Variants in OSBPL10 observed in about 807,000 individuals in gnomAD.
OSBPL10 encodes oxysterol-binding protein-related protein 10.
OSBPL10 carries 49 observed loss-of-function variants against 81.7 expected under a neutral mutation model. That is an observed-to-expected ratio of 0.60 (90% CI 0.48 to 0.76). The LOEUF is 0.76. OSBPL10 is among the 30% of genes least tolerant of loss of function. OSBPL10 has a pLI of 0.00. For missense variants in OSBPL10, 923 were observed against 987.8 expected (o/e 0.93, Z 0.88); for synonymous variants, 419 against 383.6 (o/e 1.09, Z -1.08).
At chr3:31,785,343 T>C (rs1354205484) in intron 4 of OSBPL10, among the ~76,000 whole-genome samples, 2 of 152,156 alleles carry the variant, frequency 1.3e-5, no homozygotes, top group Non-Finnish European at 2.9e-5. Context: ...ACACGCTAAC[T>C]TGAAAGAAAA....
intron 1 of OSBPL10, among the ~76,000 whole-genome samples, chr3:31,901,064 T>G (rs906580292): frequency 6.6e-6 from 1 of 152,238 alleles, no homozygotes; most frequent in African/African-American, 2.4e-5. Context: ...AAAATAGATG[T>G]TGACTTTTAT....
chr3:31,865,733 T>C (rs1701163910), intron 3 of OSBPL10, among the ~76,000 whole-genome samples: 1 of 152,204 alleles, frequency 6.6e-6, no homozygotes. Flanking sequence ...GACCCTAAAA[T>C]TGCTTAATCA....
chr3:31,864,294 A>G (rs77558416), intron 3 of OSBPL10, among the ~76,000 whole-genome samples: 1,751 of 152,038 alleles, frequency 0.012, 12 homozygotes, highest in Non-Finnish European at 0.017. Context: ...TGGAGTTGGA[A>G]TGCAGTGGTG....
intron 4 of OSBPL10, among the ~76,000 whole-genome samples, chr3:31,813,907 G>A (rs903767406): frequency 6.6e-6 from 1 of 152,234 alleles, no homozygotes; most frequent in Non-Finnish European, 1.5e-5. Flanking sequence ...TACATGCTGA[G>A]CTCTGCTGTC....
chr3:31,903,173 G>C (rs571087252), intron 1 of OSBPL10, among the ~76,000 whole-genome samples: 1 of 152,062 alleles, frequency 6.6e-6, no homozygotes. Flanking sequence ...TAGGTGCCAG[G>C]AATACAACAG....
At chr3:31,892,844 C>T (rs1295149995) in intron 1 of OSBPL10, among the ~76,000 whole-genome samples, 1 of 152,112 alleles carries the variant, frequency 6.6e-6, no homozygotes, top group Non-Finnish European at 1.5e-5. Context: ...CAGTTTGGAG[C>T]AAGCCACGGA....
At chr3:31,823,834 G>T (rs1215784642) in intron 4 of OSBPL10, among the ~76,000 whole-genome samples, 1 of 90,198 alleles carries the variant, frequency 1.1e-5, no homozygotes, top group Non-Finnish European at 2.3e-5. Flanking sequence ...AATTTAATTT[G>T]TATGTGTGTA....
intron 1 of OSBPL10, among the ~76,000 whole-genome samples, chr3:31,899,686 G>A (rs1365527728): frequency 1.3e-5 from 2 of 152,036 alleles, no homozygotes; most frequent in African/African-American, 4.8e-5. Flanking sequence ...AGAAAAGAAA[G>A]AAAGAAAAAT....
intron 4 of OSBPL10, chr3:31,795,134 CTTTTTTTTTTTTTTTTTTT>C (rs537149885): frequency 1.4e-5 from 1 of 71,438 alleles, no homozygotes; most frequent in South Asian, 8.3e-4. Flanking sequence ...TTCATAAAAC[CTTTTTTTTTTTTTTTTTTT>C]TTTTTTTTGG....
intron 4 of OSBPL10, among the ~76,000 whole-genome samples, chr3:31,812,760 AAG>A (rs1699726353): frequency 1.8e-5 from 1 of 54,686 alleles, no homozygotes; most frequent in East Asian, 7.9e-4. Flanking sequence ...GAAAGAAAGA[AAG>A]AAAGAAAGAA....
At chr3:31,877,013 T>C (rs1402475269) in intron 2 of OSBPL10, among the ~76,000 whole-genome samples, 5 of 151,870 alleles carry the variant, frequency 3.3e-5, no homozygotes, top group African/African-American at 1.2e-4. Context: ...ATACCATTCT[T>C]CTGCCTCAGC....
At chr3:31,761,745 G>T (rs547466456) in intron 4 of OSBPL10, among the ~76,000 whole-genome samples, 2 of 149,340 alleles carry the variant, frequency 1.3e-5, no homozygotes, top group South Asian at 2.1e-4. Context: ...AACCCAGGAG[G>T]TGGAGGTTGC....
intron 4 of OSBPL10, among the ~76,000 whole-genome samples, chr3:31,767,784 G>C (rs1698246377): frequency 6.6e-6 from 1 of 152,168 alleles, no homozygotes; most frequent in Non-Finnish European, 1.5e-5. Flanking sequence ...TTTCTTCCAG[G>C]TGAAAATGCT....
At chr3:31,800,186 T>G (rs931195505) in intron 4 of OSBPL10, among the ~76,000 whole-genome samples, 1 of 152,228 alleles carries the variant, frequency 6.6e-6, no homozygotes, top group Non-Finnish European at 1.5e-5. Context: ...TTCTCTTGTA[T>G]AAGCCACAGA....
In OSBPL10 at chr3:31,974,614, G is replaced by C. The variant is rs374296402; in HGVS notation, c.281+6285C>G. On this transcript the variant is annotated intron_variant, in intron 1 of 11. Coordinates refer to ENST00000396556, the MANE Select transcript of OSBPL10 (RefSeq NM_017784.5). ...CATGCGTAAGCCTCCCAAACATAAC[G>C]TTAAGAGAAAGAAGCCAGACACACA... Among the ~76,000 whole-genome samples the C allele has an allele frequency of 8.1e-4, 124 of 152,184 alleles. 1 individual carries two copies. In the South Asian group the frequency reaches 0.024, roughly 30 times the overall value.
At position 31,812,808 on chromosome 3, in the gene OSBPL10, A is replaced by G. The variant is rs1340879956; in HGVS notation, c.729+17232T>C. On this transcript the variant is annotated intron_variant, in intron 4 of 11. Transcript: ENST00000396556. Reference sequence around the variant, plus strand: ...AAAGAAAGAAAGAAAGAAAGAAAGAAAGAAAGAAAGAGAAAGAAAGAAAGA... The same window carrying G: ...AAAGAAAGAAAGAAAGAAAGAAAGAGAGAAAGAAAGAGAAAGAAAGAAAGA... Among the ~76,000 whole-genome samples the G allele has an allele frequency of 1.4e-4, 8 of 56,536 alleles. 1 individual carries two copies. The highest frequency in any genetic ancestry group is 6.1e-4 in the African/African-American group (8 of 13,186). 37.1% of individuals were successfully genotyped at this position (56,536 alleles called of 152,430 possible). A position where few individuals can be genotyped will look rare whatever the true frequency, so the allele number is the denominator to read the frequency against.
intron 1 of OSBPL10, among the ~76,000 whole-genome samples, chr3:31,914,370 G>C (rs1035078187): frequency 5.9e-5 from 9 of 152,210 alleles, no homozygotes; most frequent in African/African-American, 2.2e-4. Context: ...TCTCTACCAA[G>C]TATCAATTTC....
intron 4 of OSBPL10, among the ~76,000 whole-genome samples, chr3:31,775,149 G>A (rs776501320): frequency 6.6e-6 from 1 of 152,066 alleles, no homozygotes; most frequent in Non-Finnish European, 1.5e-5. Context: ...TCCAGCCTGG[G>A]TGACAGAGTG....
intron 1 of OSBPL10, among the ~76,000 whole-genome samples, chr3:31,979,755 GTTC>G (rs1698778388): frequency 1.3e-5 from 2 of 150,758 alleles, no homozygotes; most frequent in African/African-American, 4.9e-5. Context: ...TGCCACATCT[GTTC>G]TTGTCTTCCT....
Sources: gnomAD v4.1 joint callset for allele counts (sites outside exome capture counted in the v4.1 genomes callset) on GRCh38, gnomAD v4.1.1 for gene constraint, MANE v1.5 for transcripts, NCBI Gene and HGNC (gene_info 2026-07-23, HGNC 2026-07-21) for gene names.